Variants in PIK3CB observed in about 807,000 individuals in gnomAD.
The protein encoded by PIK3CB is phosphatidylinositol 4,5-bisphosphate 3-kinase catalytic subunit beta isoform.
In PIK3CB, 39 loss-of-function variants were observed where a neutral mutation model predicts 136.8. The ratio of observed to expected loss-of-function variants is 0.29; its 90% confidence interval spans 0.22 to 0.37. PIK3CB has a LOEUF of 0.37. Ranked by LOEUF, PIK3CB falls within the 10% of genes least tolerant of loss-of-function variation. The pLI, the probability that PIK3CB is intolerant of heterozygous loss-of-function variation, is 1.00. For missense variants in PIK3CB, 868 were observed against 1,275.4 expected, an observed-to-expected ratio of 0.68 and a Z score of 4.87; for synonymous variants, 428 against 436.6, an observed-to-expected ratio of 0.98 and a Z score of 0.25.
chr3:138,769,694 C>A (rs1411433971), intron 2 of PIK3CB, among the ~76,000 whole-genome samples: 5 of 152,122 alleles, frequency 3.3e-5, no homozygotes, highest in Admixed American at 6.6e-5. Context: ...CAATTGGTTA[C>A]CAATAAATCT....
At chr3:138,702,064 G>T (rs2044266203) in intron 12 of PIK3CB, among the ~76,000 whole-genome samples, 1 of 150,564 alleles carries the variant, frequency 6.6e-6, no homozygotes, top group African/African-American at 2.4e-5. Flanking sequence ...GAGGAAGGTA[G>T]GTGGGAGTCA....
At chr3:138,683,445 TAAA>T (rs921473378) in intron 18 of PIK3CB, among the ~76,000 whole-genome samples, 3 of 150,970 alleles carry the variant, frequency 2.0e-5, no homozygotes, top group African/African-American at 7.3e-5. Context: ...TAGGGGGAAA[TAAA>T]AGAAGGTTCA....
chr3:138,792,771 CCTT>C (rs2046066980), intron 2 of PIK3CB, among the ~76,000 whole-genome samples: 1 of 152,054 alleles, frequency 6.6e-6, no homozygotes, highest in Non-Finnish European at 1.5e-5. Context: ...TTTCTTTTCT[CCTT>C]CTCTTTCTCT....
intron 18 of PIK3CB, among the ~76,000 whole-genome samples, chr3:138,682,413 T>C (rs1212075867): frequency 2.0e-5 from 3 of 152,200 alleles, no homozygotes; most frequent in African/African-American, 7.2e-5. Context: ...GGAGATTCAC[T>C]GCGCAAAGCA....
Position 138,659,562 on chromosome 3 carries a change from C to A in PIK3CB, c.2797-1727G>T, listed in dbSNP as rs368221817. 5.9e-5 allele frequency among the ~76,000 whole-genome samples: 9 copies of A among 151,886 alleles called. No individual in the cohort carries two copies. In the East Asian group the frequency reaches 1.5e-3, roughly 26 times the overall value. The stretch of plus-strand genomic sequence containing the variant: ...GGTTATCGAATTTTAGGTTAGAAAT[C>A]ATTTTCCCTCAAAATTATGAAGGCT... On this transcript the variant is annotated intron_variant, in intron 21 of 23. Coordinates refer to ENST00000674063, the MANE Select transcript of PIK3CB (RefSeq NM_006219.3).
At chr3:138,699,541 A>G (rs1398466918) in intron 12 of PIK3CB, among the ~76,000 whole-genome samples, 2 of 152,182 alleles carry the variant, frequency 1.3e-5, no homozygotes, top group Non-Finnish European at 2.9e-5. Flanking sequence ...CTAAGAAGAC[A>G]GTTATAAGAC....
At chr3:138,722,371 A>G (rs984283081) in intron 8 of PIK3CB, among the ~76,000 whole-genome samples, 1 of 152,154 alleles carries the variant, frequency 6.6e-6, no homozygotes, top group Non-Finnish European at 1.5e-5. Context: ...ATAAGATAGG[A>G]ATATCAGGAT....
chr3:138,755,955 A>G lies in PIK3CB; in HGVS notation c.196T>C (p.Tyr66His). Residue 66 changes from tyrosine (Y) to histidine (H), a missense_variant, in exon 4 of 24, where the codon TAC (tyrosine) becomes CAC (histidine). Physicochemically the swap from Tyr to His is moderately conservative, Grantham distance 83 (BLOSUM62 2). This residue lies in a region of PIK3CB where 612 missense variants were observed against 801.1 expected (regional missense o/e 0.76). Coordinates refer to ENST00000674063, the MANE Select transcript of PIK3CB (RefSeq NM_006219.3). ...TCCATAAGGAGGTTGAACATTGGGT[A>G]ATTGTGAACTTGCTTCCATAACATC... ...KQMLWKQVHNYPMFNLLMDID... is the reference protein window; with the variant it reads ...KQMLWKQVHNHPMFNLLMDID... The G allele has an allele frequency of 6.2e-7, 1 of 1,605,180 alleles. No individual in the cohort carries two copies. Among genetic ancestry groups the G allele is most frequent in the Non-Finnish European group, 8.5e-7 (1 of 1,173,780 alleles).
chr3:138,710,992 G>T (rs1301159421), intron 10 of PIK3CB, among the ~76,000 whole-genome samples: 1 of 151,868 alleles, frequency 6.6e-6, no homozygotes, highest in Admixed American at 6.6e-5. Context: ...GCTGAGGCAG[G>T]AGAATGGCAT....
chr3:138,688,797 T>G, intron 16 of PIK3CB, 78 bp downstream of exon 16: 2 of 833,780 alleles, frequency 2.4e-6, no homozygotes, highest in East Asian at 5.3e-5. Context: ...AACATGAAGA[T>G]TAAAACAAGC....
At chr3:138,820,255 A>T (rs896666871) in intron 1 of PIK3CB, among the ~76,000 whole-genome samples, 5 of 152,272 alleles carry the variant, frequency 3.3e-5, no homozygotes, top group Admixed American at 6.5e-5. Flanking sequence ...CAGCCCCTAA[A>T]CATCAGTCAA....
chr3:138,655,279 G>C lies in PIK3CB; in HGVS notation c.*110C>G. The C allele has an allele frequency of 9.2e-7, 1 of 1,085,708 alleles. No individual in the cohort carries two copies. Among genetic ancestry groups the C allele is most frequent in the Admixed American group, 2.1e-5 (1 of 46,750 alleles). 67.3% of individuals were successfully genotyped at this position (1,085,708 alleles called of 1,614,324 possible). A position where few individuals can be genotyped will look rare whatever the true frequency, so the allele number is the denominator to read the frequency against. ...GTTCTTAATTTAACTCTGAGTTCCA[G>C]GATTTCATTCCCTTTATAACATCTC... On this transcript the variant is annotated 3_prime_UTR_variant, in exon 24 of 24. Coordinates refer to ENST00000674063, the MANE Select transcript of PIK3CB (RefSeq NM_006219.3).
At chr3:138,681,653 G>T (rs2043784886) in intron 19 of PIK3CB, among the ~76,000 whole-genome samples, 1 of 152,068 alleles carries the variant, frequency 6.6e-6, no homozygotes, top group Non-Finnish European at 1.5e-5. Flanking sequence ...ACTTTCTCTG[G>T]CCTTGTCATT....
At position 138,737,827 on chromosome 3, in the gene PIK3CB, T is replaced by C. The variant is rs368865927; in HGVS notation, c.681A>G (p.Ala227=). 2.5e-6 allele frequency: 4 copies of C among 1,609,006 alleles called. No individual in the cohort carries two copies. The highest frequency in any genetic ancestry group is 3.4e-6 in the Non-Finnish European group (4 of 1,177,164). ...NMNPIKVNEL[A]IQKRLTIHGK... is the part of the protein sequence containing the mutation. ...CATGAATAGTCAAACGTTTTTGGAT[T>C]GCCAATTCATTTACTTTGATAGGAT... is the stretch of plus-strand genomic sequence containing the variant. Residue 227 remains alanine, a synonymous_variant, in exon 6 of 24, where the codon GCA becomes GCG. Transcript: ENST00000674063.
chr3:138,728,440 G>A (rs1190712886), intron 8 of PIK3CB, among the ~76,000 whole-genome samples: 4 of 152,202 alleles, frequency 2.6e-5, no homozygotes, highest in Middle Eastern at 3.4e-3. Flanking sequence ...CATCTTGACC[G>A]AGTGAACATT....
intron 2 of PIK3CB, among the ~76,000 whole-genome samples, chr3:138,765,787 G>A (rs2045725733): frequency 6.6e-6 from 1 of 152,066 alleles, no homozygotes. Flanking sequence ...CCAGGAGGTT[G>A]AGGCTGCTAT....
intron 4 of PIK3CB, among the ~76,000 whole-genome samples, chr3:138,743,354 A>C (rs1453078412): frequency 6.6e-6 from 1 of 152,196 alleles, no homozygotes; most frequent in African/African-American, 2.4e-5. Context: ...AAACAAAAAC[A>C]AACCAAAGAA....
rs1262213680 is a variant in PIK3CB at position 138,834,420 on chromosome 3, A to ACGCCCGGCAGCGTCTCTGC, written c.-122+256_-122+274dup. Among the ~76,000 whole-genome samples the ACGCCCGGCAGCGTCTCTGC allele has an allele frequency of 2.4e-4, 36 of 152,278 alleles. No homozygotes were observed. The East Asian group carries it at 3.1e-3, about 13-fold the overall frequency. ...GGACCCAAAGCGACAGTGACCCGGGACGCCCGGCAGCGTCTCTGCCGCCCA... is the reference window on the plus strand; with the variant it reads ...GGACCCAAAGCGACAGTGACCCGGGACGCCCGGCAGCGTCTCTGCCGCCCGGCAGCGTCTCTGCCGCCCA... On this transcript the variant is annotated intron_variant, in intron 1 of 23. Transcript: ENST00000674063.
chr3:138,802,118 A>G (rs1323228619), intron 1 of PIK3CB, among the ~76,000 whole-genome samples: 1 of 151,768 alleles, frequency 6.6e-6, no homozygotes, highest in Non-Finnish European at 1.5e-5. Flanking sequence ...TCACACCTAT[A>G]ATCTCAGAAC....
Sources: gnomAD v4.1 joint callset for allele counts (sites outside exome capture counted in the v4.1 genomes callset) on GRCh38, gnomAD v4.1.1 for gene constraint, gnomAD v4.1.1 regional missense constraint, MANE v1.5 for transcripts, NCBI Gene and HGNC (gene_info 2026-07-23, HGNC 2026-07-21) for gene names.